Variants in PROM2 observed in about 807,000 individuals in gnomAD.
PROM2 encodes prominin-2.
Under a neutral mutation model 110.2 loss-of-function variants are expected in PROM2, and 90 were observed. The observed-to-expected ratio is 0.82, with a 90% CI of 0.69 to 0.97. The LOEUF is 0.97. Ranked by LOEUF, PROM2 falls within the 50% of genes least tolerant of loss-of-function variation. The pLI, the probability that PROM2 is intolerant of heterozygous loss-of-function variation, is 0.00. For synonymous variants in PROM2, 470 were observed against 467.8 expected (o/e 1.00, Z -0.06); for missense variants, 1,009 against 1,074.8 (o/e 0.94, Z 0.86).
At chr2:95,285,333 C>T (rs1677291762) in intron 15 of PROM2, among the ~76,000 whole-genome samples, 1 of 152,234 alleles carries the variant, frequency 6.6e-6, no homozygotes, top group African/African-American at 2.4e-5. Context: ...TCTCCCCCAA[C>T]CCAACAGCAT....
chr2:95,285,888 C>T (rs1677328430), intron 16 of PROM2, among the ~76,000 whole-genome samples, 178 bp downstream of exon 16: 1 of 152,256 alleles, frequency 6.6e-6, no homozygotes, highest in Non-Finnish European at 1.5e-5. Context: ...CTGACTCAAG[C>T]TCTGCCACCC....
Position 95,279,701 on chromosome 2 carries a change from G to C in PROM2, c.1275-144G>C, listed in dbSNP as rs1444444038. On this transcript the variant is annotated intron_variant, in intron 10 of 23. Transcript: ENST00000317620. ...GCCTGGAGACCACACAAGAGCAGTA[G>C]GGCCTCAGGAAGAGTCTGTATCTGC... 4 of 570,192 alleles carry C rather than the reference G, an allele frequency of 7.0e-6. No homozygotes were observed. In the East Asian group the frequency reaches 1.3e-4, roughly 18 times the overall value. The allele number at this position is 570,192 out of a possible 1,614,324, so 35.3% of individuals were successfully genotyped here.
chr2:95,287,776 A>G (rs1337522322), intron 20 of PROM2, among the ~76,000 whole-genome samples: 1 of 152,090 alleles, frequency 6.6e-6, no homozygotes, highest in East Asian at 1.9e-4. Flanking sequence ...CCAATCCTCA[A>G]AGCCCACCTC....
At position 95,288,271 on chromosome 2, in the gene PROM2, A is replaced by G; in HGVS notation, c.2305A>G (p.Ile769Val). ...CGGAGCCCTGGACAACAGCCGTGTG[A>G]TCCTGTGTGACATGATGGCTGACCC... ...LSGALDNSRV[I>V]LCDMMADPWN... Residue 769 changes from isoleucine to valine, a missense_variant, in exon 21 of 24, where the codon ATC (isoleucine) becomes GTC (valine). Transcript: ENST00000317620. The G allele has an allele frequency of 6.2e-7, 1 of 1,613,990 alleles. No individual in the cohort carries two copies. The highest frequency in any genetic ancestry group is 8.5e-7 in the Non-Finnish European group (1 of 1,180,008).
Position 95,282,004 on chromosome 2 carries a change from A to C in PROM2, c.1631A>C (p.His544Pro). The C allele has an allele frequency of 6.2e-7, 1 of 1,614,008 alleles. No individual in the cohort carries two copies. The highest frequency in any genetic ancestry group is 8.5e-7 in the Non-Finnish European group (1 of 1,179,936). Residue 544 changes from histidine to proline, a missense_variant, in exon 13 of 24, where the codon CAC (histidine) becomes CCC (proline). Coordinates refer to ENST00000317620, the MANE Select transcript of PROM2 (RefSeq NM_001165978.3). ...LLGLRKNISI[H>P]QAYQQCKEGA... ...GGCCTGAGGAAGAACATCAGCATCC[A>C]CCAAGCCTATCAGTGAGTGGACAGC...
rs762671462 is a variant in PROM2, at chr2:95,286,551, G to A, written c.2020G>A (p.Val674Ile). 3.2e-5 allele frequency: 52 copies of A among 1,613,394 alleles called. No homozygotes were observed. Among genetic ancestry groups the A allele is most frequent in the Non-Finnish European group, 4.0e-5 (47 of 1,179,892 alleles). ...GLRNLHQEKV[V>I]PQQSLVAKLN... ...CAGAAACCTTCACCAGGAGAAGGTC[G>A]TCCCCCAGCAGAGCCTTGTGGTCAG... Residue 674 changes from valine to isoleucine, a missense_variant, in exon 17 of 24, where the codon GTC becomes ATC. Physicochemically the swap from Val to Ile is conservative, Grantham distance 29. Transcript: ENST00000317620.
rs949937769 is a variant in PROM2 at position 95,276,317 on chromosome 2, C to A, written c.588C>A (p.Ser196Arg). Residue 196 changes from serine to arginine, a missense_variant, in exon 4 of 24, where the codon AGC becomes AGA. By Grantham distance (110) the Ser-to-Arg change is moderately radical. Coordinates refer to ENST00000317620, the MANE Select transcript of PROM2 (RefSeq NM_001165978.3). This position sits in a 1 kb window ranked among gnomAD's most constrained non-coding sequence, Gnocchi z 4.6. ...SIEAMPETLL[S>R]LWGLVSDVPQ... ...AGGCCATGCCTGAGACCCTGCTCAG[C>A]CTCTGGGGCCTGGTCTCTGATGTCC... 1 of 1,613,736 alleles carries A rather than the reference C, an allele frequency of 6.2e-7. No individual in the cohort carries two copies. Among genetic ancestry groups the A allele is most frequent in the Non-Finnish European group, 8.5e-7 (1 of 1,180,030 alleles).
chr2:95,279,974 G>A lies in PROM2; in HGVS notation c.1404G>A (p.Glu468=). ...DDPSHPEAKG[E]AGARFLMAGV... is the part of the protein sequence containing the mutation. ...CCAGCCACCCAGAAGCCAAGGGCGA[G>A]GCTGGAGCCCGCTTCCTCATGGCGT... The change falls in exon 11 of 24, where the codon GAG becomes GAA. Residue 468 remains glutamate (E), a synonymous_variant. Transcript: ENST00000317620. 1 of 1,476,900 alleles carries A rather than the reference G, an allele frequency of 6.8e-7. No homozygotes were observed. Among genetic ancestry groups the A allele is most frequent in the Non-Finnish European group, 9.0e-7 (1 of 1,110,030 alleles). 91.5% of individuals were successfully genotyped at this position (1,476,900 alleles called of 1,614,324 possible).
chr2:95,280,790 G>A (rs534436151), intron 11 of PROM2, among the ~76,000 whole-genome samples: 8 of 152,220 alleles, frequency 5.3e-5, no homozygotes, highest in East Asian at 1.9e-4. Context: ...GACTACAGGC[G>A]TGTGCCACCA....
Position 95,289,474 on chromosome 2 carries a change from A to C in PROM2, c.*261A>C, listed in dbSNP as rs1573467010. On this transcript the variant is annotated 3_prime_UTR_variant, in exon 24 of 24. Coordinates refer to ENST00000317620, the MANE Select transcript of PROM2 (RefSeq NM_001165978.3). The stretch of plus-strand genomic sequence containing the variant: ...CAAGTCCCTCCAGGTGTCACCCCTT[A>C]CCCCCATGCTGGTGGCATCCTCACA... 1.9e-5 allele frequency: 3 copies of C among 156,512 alleles called. No homozygotes were observed. Among genetic ancestry groups the C allele is most frequent in the Admixed American group, 6.3e-5 (1 of 15,808 alleles). The allele number at this position is 156,512 out of a possible 1,614,324, so 9.7% of individuals were successfully genotyped here. A position where few individuals can be genotyped will look rare whatever the true frequency, so the allele number is the denominator to read the frequency against.
At position 95,276,820 on chromosome 2, in the gene PROM2, T is replaced by G. The variant is rs1676693517; in HGVS notation, c.683-152T>G. 1.3e-5 allele frequency: 14 copies of G among 1,060,496 alleles called. No homozygotes were observed. Among genetic ancestry groups the G allele is most frequent in the Non-Finnish European group, 2.0e-5 (14 of 716,672 alleles). The allele number at this position is 1,060,496 out of a possible 1,614,324, so 65.7% of individuals were successfully genotyped here. On this transcript the variant is annotated intron_variant, in intron 5 of 23. Transcript: ENST00000317620. The surrounding 1 kb of genome is among the most constrained non-coding windows in gnomAD (Gnocchi z 4.6). ...AGAGCAAGAGTGGCCGCCACTCAGCTGCTGGAGGAAGAAGCCGTGTCCCCG... is the reference window on the plus strand; with the variant it reads ...AGAGCAAGAGTGGCCGCCACTCAGCGGCTGGAGGAAGAAGCCGTGTCCCCG...
chr2:95,276,770 T>C lies in PROM2; in HGVS notation c.682+113T>C. ...CTGGACACCCCCGGGAACAGGCTGG[T>C]AGAGGTGGGGATCAGGCCGGCTGGA... On this transcript the variant is annotated intron_variant, in intron 5 of 23. Transcript: ENST00000317620. The surrounding 1 kb of genome is among the most constrained non-coding windows in gnomAD (Gnocchi z 4.6). The C allele has an allele frequency of 7.8e-7, 1 of 1,282,940 alleles. No individual in the cohort carries two copies. The highest frequency in any genetic ancestry group is 1.1e-6 in the Non-Finnish European group (1 of 901,554). 79.5% of individuals were successfully genotyped at this position (1,282,940 alleles called of 1,614,324 possible).
intron 15 of PROM2, among the ~76,000 whole-genome samples, chr2:95,285,387 A>G (rs1677294703): frequency 6.6e-6 from 1 of 152,218 alleles, no homozygotes. Context: ...CCGAGGACGC[A>G]TTGGGAAGTT....
At position 95,275,367 on chromosome 2, in the gene PROM2, C is replaced by A; in HGVS notation, c.245-94C>A. The stretch of plus-strand genomic sequence containing the variant: ...GCCATGGTGGTGGCAGGAGCCCTGC[C>A]TCAGAGCCACTTTGCCCTGGCAGTG... On this transcript the variant is annotated intron_variant, in intron 1 of 23. Coordinates refer to ENST00000317620, the MANE Select transcript of PROM2 (RefSeq NM_001165978.3). The surrounding 1 kb of genome is among the most constrained non-coding windows in gnomAD (Gnocchi z 4.4). 2 of 1,278,292 alleles carry A rather than the reference C, an allele frequency of 1.6e-6. No individual in the cohort carries two copies. The highest frequency in any genetic ancestry group is 2.2e-6 in the Non-Finnish European group (2 of 910,304). 79.2% of individuals were successfully genotyped at this position (1,278,292 alleles called of 1,614,324 possible).
chr2:95,282,200 C>G lies in PROM2; in HGVS notation c.1702C>G (p.Leu568Val). The G allele has an allele frequency of 3.7e-6, 6 of 1,613,876 alleles. No individual in the cohort carries two copies. Among genetic ancestry groups the G allele is most frequent in the Non-Finnish European group, 4.2e-6 (5 of 1,179,918 alleles). Residue 568 changes from leucine (L) to valine (V), a missense_variant, in exon 14 of 24, where the codon CTG (leucine) becomes GTG (valine). Transcript: ENST00000317620. Reference protein sequence around the residue: ...TVLQLNDSYDLEEHLDINQYT... With the variant: ...TVLQLNDSYDVEEHLDINQYT... Reference sequence around the variant, plus strand: ...CCTGCAGCTCAACGACTCCTACGACCTGGAGGAGCACCTGGATATCAACCA... The same window carrying G: ...CCTGCAGCTCAACGACTCCTACGACGTGGAGGAGCACCTGGATATCAACCA...
At chr2:95,288,848 C>A in intron 22 of PROM2, 85 bp from the exon 23 acceptor site, 1 of 1,380,556 alleles carries the variant, frequency 7.2e-7, no homozygotes, top group East Asian at 2.3e-5. Context: ...CGAGGAGAAA[C>A]CCTCAGGGCT....
rs1034850555 is a variant in PROM2 at position 95,285,821 on chromosome 2, A to G, written c.1947+111A>G. 4 of 1,034,884 alleles carry G rather than the reference A, an allele frequency of 3.9e-6. No homozygotes were observed. The African/African-American group carries it at 4.8e-5, about 12-fold the overall frequency. The allele number at this position is 1,034,884 out of a possible 1,614,324, so 64.1% of individuals were successfully genotyped here. A position where few individuals can be genotyped will look rare whatever the true frequency, so the allele number is the denominator to read the frequency against. On this transcript the variant is annotated intron_variant, in intron 16 of 23. Transcript: ENST00000317620. ...AGGCAGGGAACTGAGGACCCCCACCAGTGAGGCCTGAGGCTCCTGACCCCT... is the reference window on the plus strand; with the variant it reads ...AGGCAGGGAACTGAGGACCCCCACCGGTGAGGCCTGAGGCTCCTGACCCCT...
intron 19 of PROM2, 62 bp from the exon 20 acceptor site, chr2:95,287,334 T>C: frequency 7.5e-7 from 1 of 1,338,918 alleles, no homozygotes; most frequent in African/African-American, 1.5e-5. Flanking sequence ...GGGGGTGGCG[T>C]GGGTGGGGGG....
intron 6 of PROM2, 95 bp downstream of exon 6, chr2:95,277,156 C>T: frequency 1.6e-6 from 2 of 1,239,686 alleles, no homozygotes; most frequent in Non-Finnish European, 1.1e-6. Flanking sequence ...CCTGAGCCAC[C>T]TCTGCCCCAC....
Sources: gnomAD v4.1 joint callset for allele counts (sites outside exome capture counted in the v4.1 genomes callset) on GRCh38, gnomAD v4.1.1 for gene constraint, Gnocchi (gnomAD v3.1) non-coding constraint, MANE v1.5 for transcripts, NCBI Gene and HGNC (gene_info 2026-07-23, HGNC 2026-07-21) for gene names.